GPHN: variants seen among roughly 807,000 people sequenced by gnomAD.
GPHN encodes gephyrin.
GPHN carries 17 observed loss-of-function variants against 95.5 expected under a neutral mutation model. The observed-to-expected ratio is 0.18, with a 90% CI of 0.12 to 0.27. The LOEUF is 0.27. Ranked by LOEUF, GPHN falls within the 10% of genes least tolerant of loss-of-function variation. The pLI is 1.00. For missense variants in GPHN, 660 were observed against 978.1 expected, an observed-to-expected ratio of 0.67 and a Z score of 4.34; for synonymous variants, 320 against 322.5, an observed-to-expected ratio of 0.99 and a Z score of 0.08.
intron 1 of GPHN, among the ~76,000 whole-genome samples, chr14:66,515,153 C>T (rs947907291): frequency 3.9e-5 from 6 of 152,064 alleles, no homozygotes; most frequent in South Asian, 2.1e-4. Context: ...GCCACAGTTT[C>T]GTGTATACAT....
chr14:66,971,158 G>A (rs1032097056), intron 9 of GPHN, among the ~76,000 whole-genome samples: 2 of 152,154 alleles, frequency 1.3e-5, no homozygotes, highest in Non-Finnish European at 2.9e-5. Context: ...GAAAAACCCT[G>A]TCTCTACCAA....
chr14:66,916,062 G>A lies in GPHN; in HGVS notation c.449G>A (p.Gly150Glu), dbSNP rs2065880962. Reference protein sequence around the residue: ...LIINLPGSKKGSQECFQFILP... With the variant: ...LIINLPGSKKESQECFQFILP... The stretch of plus-strand genomic sequence containing the variant: ...ATTAACCTGCCAGGTAGCAAGAAAG[G>A]ATCTCAGGTAAATCACCTGGACATA... Residue 150 changes from glycine (G) to glutamate (E), a missense_variant, in exon 6 of 23, where the codon GGA becomes GAA. Transcript: ENST00000478722. 6.3e-7 allele frequency: 1 copy of A among 1,584,686 alleles called. No individual in the cohort carries two copies. The highest frequency in any genetic ancestry group is 1.7e-5 in the Admixed American group (1 of 59,904).
intron 1 of GPHN, among the ~76,000 whole-genome samples, chr14:66,661,064 C>G (rs1182919697): frequency 1.3e-5 from 2 of 152,180 alleles, no homozygotes; most frequent in Non-Finnish European, 2.9e-5. Flanking sequence ...GCTCTAGTAT[C>G]CCTAACAAAG....
At chr14:67,445,577 C>CTTTTTTTTTTTTTTTTTTTTTGTTTTTTT in the GPHN span, among the ~76,000 whole-genome samples, 1 of 59,924 alleles carries the variant, frequency 1.7e-5, no homozygotes, top group Non-Finnish European at 3.0e-5. Flanking sequence ...AGAGGCAATT[C>CTTTTTTTTTTTTTTTTTTTTTGTTTTTTT]TTTTTTTTTT....
chr14:66,853,940 AGTTT>A (rs893977838), intron 4 of GPHN, among the ~76,000 whole-genome samples: 1 of 152,190 alleles, frequency 6.6e-6, no homozygotes, highest in African/African-American at 2.4e-5. Context: ...TTTTGCCGTT[AGTTT>A]ATCTGCCATA....
the GPHN span, among the ~76,000 whole-genome samples, chr14:67,527,269 G>A: frequency 6.6e-6 from 1 of 152,140 alleles, no homozygotes; most frequent in Non-Finnish European, 1.5e-5. Flanking sequence ...CTTGGTCTTC[G>A]TGAGCCTCAG....
chr14:67,552,355 C>T, the GPHN span, among the ~76,000 whole-genome samples: 2 of 152,114 alleles, frequency 1.3e-5, no homozygotes, highest in Non-Finnish European at 2.9e-5. Context: ...GATCTGCCCT[C>T]GTGAAAAGTG....
chr14:67,188,774 TTTCCTTCC>T, the GPHN span, among the ~76,000 whole-genome samples: 159 of 151,068 alleles, frequency 1.1e-3, 1 homozygote, highest in Non-Finnish European at 1.5e-3. Flanking sequence ...CTCAGTTTCT[TTTCCTTCC>T]TTCCTTCCTT....
chr14:66,940,230 G>GAA (rs113466568), intron 8 of GPHN, among the ~76,000 whole-genome samples: 10,978 of 144,828 alleles, frequency 0.076, 636 homozygotes, highest in African/African-American at 0.16. Flanking sequence ...AAGGAAAAAG[G>GAA]AAAAAAAAAA....
chr14:66,866,317 G>A (rs144107232), intron 4 of GPHN, among the ~76,000 whole-genome samples: 111 of 151,614 alleles, frequency 7.3e-4, no homozygotes, highest in Non-Finnish European at 1.3e-3. Context: ...TACCATTAAC[G>A]AATACATACA....
At chr14:67,565,809 C>T in the GPHN span, among the ~76,000 whole-genome samples, 1 of 152,172 alleles carries the variant, frequency 6.6e-6, no homozygotes, top group African/African-American at 2.4e-5. Context: ...CAGTAACTCC[C>T]AGGGCCTCCT....
the GPHN span, chr14:67,674,522 G>A: frequency 6.4e-7 from 1 of 1,559,896 alleles, no homozygotes; most frequent in Non-Finnish European, 8.7e-7. Flanking sequence ...CGGCCACCGA[G>A]ATTCGGGGCC....
At chr14:67,589,717 AGACATCTG>A in the GPHN span, 3 of 1,005,080 alleles carry the variant, frequency 3.0e-6, no homozygotes, top group East Asian at 3.0e-4. Flanking sequence ...AGCTTTCTCA[AGACATCTG>A]ATGTCAGTTT....
At chr14:67,392,541 G>T in the GPHN span, 1 of 1,200,936 alleles carries the variant, frequency 8.3e-7, no homozygotes, top group Non-Finnish European at 1.2e-6. Flanking sequence ...TTCTGCATCA[G>T]GATGAAGTCG....
chr14:67,566,931 GAAGGTATTAAGGGGATT>G, the GPHN span, among the ~76,000 whole-genome samples: 1 of 152,252 alleles, frequency 6.6e-6, no homozygotes, highest in African/African-American at 2.4e-5. Flanking sequence ...CTCTGGTGAT[GAAGGTATTAAGGGGATT>G]AAGGTATTAA....
intron 1 of GPHN, among the ~76,000 whole-genome samples, chr14:66,640,175 C>A (rs571711979): frequency 7.9e-5 from 12 of 152,204 alleles, no homozygotes; most frequent in Admixed American, 5.2e-4. Flanking sequence ...AATCCCAGCA[C>A]TTTGGGAGGC....
At chr14:66,859,212 T>C (rs890106660) in intron 4 of GPHN, among the ~76,000 whole-genome samples, 1 of 152,178 alleles carries the variant, frequency 6.6e-6, no homozygotes, top group African/African-American at 2.4e-5. Flanking sequence ...GACCCAGTGC[T>C]GTGCTGGCTT....
At chr14:67,409,234 C>A in the GPHN span, among the ~76,000 whole-genome samples, 1 of 151,596 alleles carries the variant, frequency 6.6e-6, no homozygotes, top group Admixed American at 6.6e-5. Flanking sequence ...CAGAGTGAGA[C>A]CCTCTCTAAA....
At chr14:66,740,675 T>G (rs1178770221) in intron 2 of GPHN, among the ~76,000 whole-genome samples, 3 of 152,200 alleles carry the variant, frequency 2.0e-5, no homozygotes, top group African/African-American at 7.2e-5. Context: ...TTAAAATGAC[T>G]GATATTTGGC....
Sources: gnomAD v4.1 joint callset for allele counts (sites outside exome capture counted in the v4.1 genomes callset) on GRCh38, gnomAD v4.1.1 for gene constraint, MANE v1.5 for transcripts, NCBI Gene and HGNC (gene_info 2026-07-23, HGNC 2026-07-21) for gene names.